Variants in CUBN observed in about 807,000 individuals in gnomAD.
CUBN encodes the protein cubilin.
In CUBN, 282 loss-of-function variants were observed where a neutral mutation model predicts 405.3. That is an observed-to-expected ratio of 0.70 (90% CI 0.63 to 0.77). The LOEUF is 0.77. Among genes scored for constraint, CUBN ranks in the 30% least tolerant of loss-of-function variants. The pLI is 0.00. For synonymous variants in CUBN, 1,684 were observed against 1,617.0 expected, an observed-to-expected ratio of 1.04 and a Z score of -0.99; for missense variants, 4,514 against 4,475.2, an observed-to-expected ratio of 1.01 and a Z score of -0.25.
At chr10:17,017,694 C>G (rs1210879925) in intron 28 of CUBN, among the ~76,000 whole-genome samples, 1 of 152,106 alleles carries the variant, frequency 6.6e-6, no homozygotes, top group African/African-American at 2.4e-5. Flanking sequence ...GGGCTTTGGG[C>G]AAAGATTATG....
In CUBN at chr10:17,011,581, G is replaced by A. The variant is rs183212177; in HGVS notation, c.4168+8252C>T. On this transcript the variant is annotated intron_variant, in intron 28 of 66. Transcript: ENST00000377833. ...AGTGAGAGAACAAAGCTTCCACAGC[G>A]TGGAAGGGGACCCGAGCAGGTTGCC... is the stretch of plus-strand genomic sequence containing the variant. Among the ~76,000 whole-genome samples, 477 of 152,226 alleles carry A rather than the reference G, an allele frequency of 3.1e-3. 2 individuals are homozygous for A. Among genetic ancestry groups the A allele is most frequent in the African/African-American group, 8.8e-3 (367 of 41,536 alleles).
At chr10:17,115,344 C>T in intron 7 of CUBN, 127 bp downstream of exon 7, 1 of 1,168,000 alleles carries the variant, frequency 8.6e-7, no homozygotes, top group South Asian at 1.3e-5. Flanking sequence ...CTATGTCCTA[C>T]TTACAGACAG....
In CUBN at chr10:16,950,001, C is replaced by T. The variant is rs751428547; in HGVS notation, c.5080G>A (p.Gly1694Ser). 6.8e-6 allele frequency: 11 copies of T among 1,611,710 alleles called. No homozygotes were observed. The highest frequency in any genetic ancestry group is 1.1e-5 in the South Asian group (1 of 90,914). The change falls in exon 34 of 67, where the codon GGC becomes AGC. Residue 1694 changes from glycine (G) to serine (S), a missense_variant and splice_region_variant. Gly to Ser is a moderately conservative substitution (Grantham distance 56). Around this residue, in one of 5 missense-constraint regions of CUBN, gnomAD observed 1,613 missense variants for 1,542.8 expected, o/e 1.05. Transcript: ENST00000377833. ...DGGHEDAPLRGRYCGTDMPHP... is the reference protein window; with the variant it reads ...DGGHEDAPLRSRYCGTDMPHP... ...TGTAGATGAGTGAACGCTGAGGTAC[C>T]TCGGAGGGGCGCGTCTTCGTGGCCG...
intron 60 of CUBN, among the ~76,000 whole-genome samples, chr10:16,844,646 A>G (rs1337533757): frequency 6.6e-6 from 1 of 152,216 alleles, no homozygotes; most frequent in East Asian, 1.9e-4. Flanking sequence ...TCATTGCCAC[A>G]GTAAGATTTC....
In CUBN at chr10:16,841,119, C is replaced by T. The variant is rs1236114226; in HGVS notation, c.9664-72G>A. 1.4e-5 allele frequency: 19 copies of T among 1,392,920 alleles called. 1 individual carries two copies. Among genetic ancestry groups the T allele is most frequent in the Middle Eastern group, 1.8e-4 (1 of 5,458 alleles). 86.3% of individuals were successfully genotyped at this position (1,392,920 alleles called of 1,614,324 possible). ...TGCATATTTCACACTAAATTGGACGCGAAGTTGCAATAGGTCACGGTAAAC... is the reference window on the plus strand; with the variant it reads ...TGCATATTTCACACTAAATTGGACGTGAAGTTGCAATAGGTCACGGTAAAC... On this transcript the variant is annotated intron_variant, in intron 60 of 66. Transcript: ENST00000377833.
chr10:17,085,519 C>T, intron 16 of CUBN, 78 bp downstream of exon 16: 3 of 1,365,110 alleles, frequency 2.2e-6, no homozygotes, highest in South Asian at 1.2e-5. Context: ...CTCTGAATCA[C>T]ATTAAAATAT....
At chr10:16,842,566 C>T (rs1323957920) in intron 60 of CUBN, among the ~76,000 whole-genome samples, 1 of 152,128 alleles carries the variant, frequency 6.6e-6, no homozygotes, top group Non-Finnish European at 1.5e-5. Context: ...AAATATATCC[C>T]AGAGGGCTCC....
chr10:17,028,884 C>T lies in CUBN; in HGVS notation c.4018-8901G>A, dbSNP rs141867370. Among the ~76,000 whole-genome samples, 514 of 152,276 alleles carry T rather than the reference C, an allele frequency of 3.4e-3. 1 individual carries two copies. Among genetic ancestry groups the T allele is most frequent in the African/African-American group, 0.012 (479 of 41,556 alleles). ...AAAGTCAATATAGTTAACTGAAACC[C>T]ACAACTGTGATTACCAGTGTTTAAA... is the stretch of plus-strand genomic sequence containing the variant. On this transcript the variant is annotated intron_variant, in intron 27 of 66. Transcript: ENST00000377833.
chr10:16,866,047 C>T (rs866807270), intron 59 of CUBN, among the ~76,000 whole-genome samples: 9 of 152,130 alleles, frequency 5.9e-5, no homozygotes, highest in Non-Finnish European at 1.0e-4. Context: ...CCCCTGCTGT[C>T]TTGCAGGGGA....
intron 14 of CUBN, among the ~76,000 whole-genome samples, chr10:17,093,215 C>T (rs180754886): frequency 8.5e-5 from 13 of 152,224 alleles, no homozygotes; most frequent in Admixed American, 7.9e-4. Context: ...AATGTACAGG[C>T]ATTTCCTTGG....
chr10:17,071,968 G>T lies in CUBN; in HGVS notation c.2305C>A (p.Arg769=), dbSNP rs776704427. The change falls in exon 18 of 67, where the codon CGA becomes AGA. Residue 769 remains arginine (R), a synonymous_variant. Coordinates refer to ENST00000377833, the MANE Select transcript of CUBN (RefSeq NM_001081.4). ...SDSSQNYIEV[R]DGETLLGKVC... is the part of the protein sequence containing the mutation. ...TTTCCAAGTAAGGTTTCACCATCTC[G>T]AACCTAAAGAGAAAAATAAAATAGA... The T allele has an allele frequency of 3.1e-6, 5 of 1,609,824 alleles. No individual in the cohort carries two copies. The highest frequency in any genetic ancestry group is 2.7e-5 in the African/African-American group (2 of 74,762).
At chr10:16,864,657 CTT>C (rs58100254) in intron 59 of CUBN, among the ~76,000 whole-genome samples, 10 of 121,420 alleles carry the variant, frequency 8.2e-5, no homozygotes, top group Non-Finnish European at 1.3e-4. Context: ...TTTTTTCTTT[CTT>C]TTTTTTTTTT....
chr10:17,022,749 T>C (rs1175237713), intron 27 of CUBN, among the ~76,000 whole-genome samples: 2 of 152,208 alleles, frequency 1.3e-5, no homozygotes, highest in Non-Finnish European at 2.9e-5. Flanking sequence ...GAAACAAACA[T>C]ACTGCTCCCA....
chr10:16,942,200 T>C (rs1292803072), intron 36 of CUBN, among the ~76,000 whole-genome samples: 1 of 152,208 alleles, frequency 6.6e-6, no homozygotes, highest in Admixed American at 6.5e-5. Flanking sequence ...TGAAGTCTTA[T>C]ATATTCCTCG....
rs145584531 is a variant in CUBN at position 16,827,576 on chromosome 10, C to T, written c.10764+1229G>A. On this transcript the variant is annotated intron_variant, in intron 66 of 66. Transcript: ENST00000377833. ...CAGAAAAATCAGAAACAGATACCCGCTTGCCAACAGCCAATTTTCCCTTAC... is the reference window on the plus strand; with the variant it reads ...CAGAAAAATCAGAAACAGATACCCGTTTGCCAACAGCCAATTTTCCCTTAC... Among the ~76,000 whole-genome samples the T allele has an allele frequency of 2.0e-3, 308 of 152,338 alleles. 1 individual carries two copies. Among genetic ancestry groups the T allele is most frequent in the Non-Finnish European group, 4.0e-3 (270 of 68,042 alleles).
intron 28 of CUBN, among the ~76,000 whole-genome samples, chr10:17,000,196 T>C (rs1161003074): frequency 2.0e-5 from 3 of 152,228 alleles, no homozygotes; most frequent in Non-Finnish European, 4.4e-5. Context: ...GCTACCCTTT[T>C]ACTCTTCACT....
At chr10:16,976,388 C>T (rs2131682025) in intron 31 of CUBN, among the ~76,000 whole-genome samples, 1 of 152,182 alleles carries the variant, frequency 6.6e-6, no homozygotes, top group South Asian at 2.1e-4. Context: ...TTTTTTACTT[C>T]CAATCCTGGT....
rs35530629 is a variant in CUBN at position 17,122,773 on chromosome 10, C to CAA, written c.593+20_593+21dup. 8.0e-3 allele frequency: 10,146 copies of CAA among 1,263,192 alleles called. 2 individuals carry two copies. Among genetic ancestry groups the CAA allele is most frequent in the Middle Eastern group, 0.013 (58 of 4,314 alleles). 78.2% of individuals were successfully genotyped at this position (1,263,192 alleles called of 1,614,324 possible). ...CCTTCAAAAATATACTGATATTTAC[C>CAA]AAAAAAAAAAAAAAAAGTTACCTGT... On this transcript the variant is annotated intron_variant, in intron 6 of 66. Transcript: ENST00000377833.
At position 17,047,369 on chromosome 10, in the gene CUBN, A is replaced by T. The variant is rs1322461026; in HGVS notation, c.3329+45T>A. The T allele has an allele frequency of 2.8e-6, 4 of 1,422,300 alleles. No individual in the cohort carries two copies. The Middle Eastern group carries it at 6.9e-4, about 245-fold the overall frequency. The allele number at this position is 1,422,300 out of a possible 1,614,324, so 88.1% of individuals were successfully genotyped here. ...CTTCCTAGGAAAGATTATTAATGAG[A>T]ATAAATAATGAAAAGATTATAATGA... is the stretch of plus-strand genomic sequence containing the variant. On this transcript the variant is annotated intron_variant, in intron 23 of 66. Coordinates refer to ENST00000377833, the MANE Select transcript of CUBN (RefSeq NM_001081.4).
Sources: allele counts gnomAD v4.1 joint callset (sites outside exome capture counted in the v4.1 genomes callset), GRCh38; gene constraint gnomAD v4.1.1; regional missense constraint gnomAD v4.1.1; transcripts MANE v1.5; gene names NCBI Gene and HGNC (gene_info 2026-07-23, HGNC 2026-07-21).